The following KIAA1217 variants were observed in gnomAD, a reference collection of about 807,000 sequenced individuals.
KIAA1217 encodes sickle tail protein homolog.
In KIAA1217, 88 loss-of-function variants were observed where a neutral mutation model predicts 163.9. That is an observed-to-expected ratio of 0.54 (90% CI 0.45 to 0.64). The LOEUF (loss-of-function observed/expected upper bound fraction) is 0.64. KIAA1217 is among the 30% of genes least tolerant of loss of function. KIAA1217 has a pLI of 0.00. For missense variants in KIAA1217, 2,372 were observed against 2,475.0 expected, an observed-to-expected ratio of 0.96 and a Z score of 0.88; for synonymous variants, 903 against 923.1, an observed-to-expected ratio of 0.98 and a Z score of 0.39.
In KIAA1217 at chr10:24,072,797, G is replaced by A. The variant is rs141445629; in HGVS notation, c.-171+65423G>A. Among the ~76,000 whole-genome samples, 357 of 152,250 alleles carry A rather than the reference G, an allele frequency of 2.3e-3. 1 individual carries two copies. Among genetic ancestry groups the A allele is most frequent in the African/African-American group, 7.5e-3 (313 of 41,544 alleles). On this transcript the variant is annotated intron_variant, in intron 2 of 18. Transcript: ENST00000376462. ...CTGGAAGCAGTTTGAAAGATTGGGG[G>A]TGGAGATGAAGAATACAGGCAGAGA...
intron 2 of KIAA1217, among the ~76,000 whole-genome samples, chr10:24,313,921 C>T (rs972607031): frequency 6.9e-6 from 1 of 144,706 alleles, no homozygotes; most frequent in Non-Finnish European, 1.5e-5. Flanking sequence ...CTCACTGCAA[C>T]TTCCACCTCC....
intron 1 of KIAA1217, among the ~76,000 whole-genome samples, chr10:23,830,457 C>T (rs1249558764): frequency 6.6e-6 from 1 of 152,040 alleles, no homozygotes; most frequent in Non-Finnish European, 1.5e-5. Flanking sequence ...TGTGTTTGGC[C>T]GTTGCTGTGA....
intron 2 of KIAA1217, among the ~76,000 whole-genome samples, chr10:24,042,777 G>T (rs563669279): frequency 6.6e-6 from 1 of 152,038 alleles, no homozygotes; most frequent in Non-Finnish European, 1.5e-5. Context: ...ATTCTTGGTC[G>T]TGTTTTGTAG....
intron 2 of KIAA1217, among the ~76,000 whole-genome samples, chr10:24,287,588 T>G (rs1292315079): frequency 6.6e-6 from 1 of 152,240 alleles, no homozygotes; most frequent in African/African-American, 2.4e-5. Context: ...ATACTTACAG[T>G]CTCAACTCTA....
chr10:24,288,430 T>A (rs1357005806), intron 2 of KIAA1217, among the ~76,000 whole-genome samples: 4 of 152,232 alleles, frequency 2.6e-5, no homozygotes, highest in Non-Finnish European at 5.9e-5. Context: ...ATCCTATTCT[T>A]GTTCACCATG....
At chr10:23,904,603 A>G (rs1394394616) in intron 1 of KIAA1217, among the ~76,000 whole-genome samples, 1 of 152,092 alleles carries the variant, frequency 6.6e-6, no homozygotes, top group Admixed American at 6.6e-5. Flanking sequence ...GAGAGCAGGA[A>G]AACCATGCAT....
intron 2 of KIAA1217, among the ~76,000 whole-genome samples, chr10:24,246,710 G>A (rs1004557643): frequency 3.3e-5 from 5 of 152,052 alleles, no homozygotes; most frequent in Admixed American, 2.0e-4. Flanking sequence ...ACTGTTAACC[G>A]TGAACATGTA....
At position 24,379,496 on chromosome 10, in the gene KIAA1217, C is replaced by T. The variant is rs561042680; in HGVS notation, c.355-1373C>T. 6.0e-4 allele frequency among the ~76,000 whole-genome samples: 91 copies of T among 152,280 alleles called. 1 individual carries two copies. Among genetic ancestry groups the T allele is most frequent in the African/African-American group, 2.1e-3 (88 of 41,564 alleles). On this transcript the variant is annotated intron_variant, in intron 2 of 20. Coordinates refer to ENST00000376454, the MANE Select transcript of KIAA1217 (RefSeq NM_019590.5). The stretch of plus-strand genomic sequence containing the variant: ...TTGAAGCCACATCCCTTAAGAAACA[C>T]AGGGCGGAAGGTACTGACCTTATCC...
chr10:24,366,498 A>G (rs2050801598), intron 2 of KIAA1217, among the ~76,000 whole-genome samples: 1 of 152,232 alleles, frequency 6.6e-6, no homozygotes, highest in Non-Finnish European at 1.5e-5. Flanking sequence ...GAGAATTAAA[A>G]TATTTAAATG....
chr10:24,252,840 C>T (rs1232617052), intron 2 of KIAA1217, among the ~76,000 whole-genome samples: 5 of 151,726 alleles, frequency 3.3e-5, no homozygotes, highest in Non-Finnish European at 7.4e-5. Context: ...GAGATACCTG[C>T]CATGAAGGAA....
At chr10:23,823,920 G>A (rs572865410) in intron 1 of KIAA1217, among the ~76,000 whole-genome samples, 1 of 151,588 alleles carries the variant, frequency 6.6e-6, no homozygotes, top group South Asian at 2.1e-4. Context: ...GAGGGAGGAA[G>A]AAGAGAGGGG....
At chr10:24,531,177 AGT>A (rs979219261) in intron 14 of KIAA1217, among the ~76,000 whole-genome samples, 1 of 152,146 alleles carries the variant, frequency 6.6e-6, no homozygotes, top group African/African-American at 2.4e-5. Context: ...TGCATTCCAG[AGT>A]GAGTGACAGT....
At position 23,868,533 on chromosome 10, in the gene KIAA1217, G is replaced by A. The variant is rs530212742; in HGVS notation, c.-320-138692G>A. 2.6e-5 allele frequency among the ~76,000 whole-genome samples: 4 copies of A among 152,248 alleles called. No individual in the cohort carries two copies. In the East Asian group the frequency reaches 7.7e-4, roughly 29 times the overall value. On this transcript the variant is annotated intron_variant, in intron 1 of 18. Transcript: ENST00000376462. ...CAAATCATGACTCTCCTGACAGTCAGCCTGGGTAAAGATGCAGTGGTTAGC... is the reference window on the plus strand; with the variant it reads ...CAAATCATGACTCTCCTGACAGTCAACCTGGGTAAAGATGCAGTGGTTAGC...
intron 1 of KIAA1217, among the ~76,000 whole-genome samples, chr10:23,851,311 A>G (rs1188662793): frequency 2.6e-5 from 4 of 151,956 alleles, no homozygotes; most frequent in African/African-American, 4.8e-5. Context: ...ATGATTTCCA[A>G]TTTCATCCAT....
At chr10:24,080,010 G>A (rs1025088563) in intron 2 of KIAA1217, among the ~76,000 whole-genome samples, 4 of 152,166 alleles carry the variant, frequency 2.6e-5, no homozygotes, top group African/African-American at 9.7e-5. Context: ...GACAGACAGA[G>A]ACAAATGAAA....
intron 2 of KIAA1217, among the ~76,000 whole-genome samples, chr10:24,143,110 G>A (rs547486497): frequency 6.6e-6 from 1 of 152,182 alleles, no homozygotes; most frequent in Non-Finnish European, 1.5e-5. Context: ...AAAGTTAAAA[G>A]TGAAATAGAC....
intron 2 of KIAA1217, among the ~76,000 whole-genome samples, chr10:24,138,686 C>A (rs372826183): frequency 6.6e-6 from 1 of 151,070 alleles, no homozygotes; most frequent in African/African-American, 2.4e-5. Context: ...TTATATATCA[C>A]CACTTCCCCC....
At chr10:23,914,352 T>G (rs1216443992) in intron 1 of KIAA1217, among the ~76,000 whole-genome samples, 2 of 152,120 alleles carry the variant, frequency 1.3e-5, no homozygotes, top group Non-Finnish European at 2.9e-5. Context: ...TCTCACTCTG[T>G]TTCCCAGGCT....
chr10:24,404,011 C>T (rs1009050813), intron 3 of KIAA1217, among the ~76,000 whole-genome samples: 6 of 152,132 alleles, frequency 3.9e-5, no homozygotes, highest in African/African-American at 1.4e-4. Flanking sequence ...GGTTGGAGTA[C>T]AGCGGCGTAA....
Sources: gnomAD v4.1 joint callset for allele counts (sites outside exome capture counted in the v4.1 genomes callset) on GRCh38, gnomAD v4.1.1 for gene constraint, MANE v1.5 for transcripts, NCBI Gene and HGNC (gene_info 2026-07-23, HGNC 2026-07-21) for gene names.